Variants in SLAIN1 observed in about 807,000 individuals in gnomAD.
The protein encoded by SLAIN1 is SLAIN family member 1.
Under a neutral mutation model 55.4 loss-of-function variants are expected in SLAIN1, and 17 were observed. The ratio of observed to expected loss-of-function variants is 0.31; its 90% CI spans 0.21 to 0.46. The LOEUF is 0.46. Ranked by LOEUF, SLAIN1 falls within the 20% of genes least tolerant of loss-of-function variation. The pLI, the probability that SLAIN1 is intolerant of heterozygous loss-of-function variation, is 1.00. For missense variants in SLAIN1, 682 were observed against 785.1 expected, an observed-to-expected ratio of 0.87 and a Z score of 1.57; for synonymous variants, 348 against 337.4, an observed-to-expected ratio of 1.03 and a Z score of -0.35.
intron 1 of SLAIN1, among the ~76,000 whole-genome samples, chr13:77,718,510 A>G (rs1242693480): frequency 6.6e-6 from 1 of 152,194 alleles, no homozygotes; most frequent in African/African-American, 2.4e-5. Flanking sequence ...AGAATAGTAC[A>G]TTCCCCAACC....
At chr13:77,760,123 A>G (rs542231910) in intron 5 of SLAIN1, among the ~76,000 whole-genome samples, 19 of 152,224 alleles carry the variant, frequency 1.2e-4, no homozygotes, top group Non-Finnish European at 2.1e-4. Flanking sequence ...AATTCTGTGC[A>G]TAAGTTTCTA....
In SLAIN1 at chr13:77,698,608, C is replaced by G. The variant is rs2090998310; in HGVS notation, c.626+69C>G. On this transcript the variant is annotated intron_variant, in intron 1 of 6. Transcript: ENST00000418532. This position sits in a 1 kb window ranked among gnomAD's most constrained non-coding sequence, Gnocchi z 4.1. ...GGCTTCGGGCACCGGGGAGCGGGGG[C>G]GGGGGGCGGACGGGGGTCCCCTCGC... 1 of 1,332,804 alleles carries G rather than the reference C, an allele frequency of 7.5e-7. No homozygotes were observed. Among genetic ancestry groups the G allele is most frequent in the Non-Finnish European group, 9.6e-7 (1 of 1,046,078 alleles). The allele number at this position is 1,332,804 out of a possible 1,614,324, so 82.6% of individuals were successfully genotyped here.
chr13:77,714,580 T>G (rs2091187447), intron 1 of SLAIN1, among the ~76,000 whole-genome samples: 1 of 152,138 alleles, frequency 6.6e-6, no homozygotes, highest in African/African-American at 2.4e-5. Context: ...CCCACTGCAC[T>G]CCAGCCTGGG....
intron 1 of SLAIN1, among the ~76,000 whole-genome samples, chr13:77,703,801 A>G (rs2154409228): frequency 6.6e-6 from 1 of 151,544 alleles, no homozygotes; most frequent in South Asian, 2.1e-4. Flanking sequence ...TCCTTAAAAT[A>G]AAACTTGCAG....
At chr13:77,711,593 A>C (rs2091151420) in intron 1 of SLAIN1, among the ~76,000 whole-genome samples, 1 of 152,204 alleles carries the variant, frequency 6.6e-6, no homozygotes, top group Non-Finnish European at 1.5e-5. Context: ...ATAACCTATC[A>C]ACCAAAAAAA....
At chr13:77,701,365 C>T in intron 1 of SLAIN1, among the ~76,000 whole-genome samples, 1 of 152,140 alleles carries the variant, frequency 6.6e-6, no homozygotes, top group South Asian at 2.1e-4. Flanking sequence ...CTTTTATTAA[C>T]AACTTGGACA....
intron 2 of SLAIN1, chr13:77,741,627 T>G (rs568277886): frequency 5.9e-6 from 1 of 168,818 alleles, no homozygotes; most frequent in African/African-American, 2.4e-5. Context: ...TGGTACGTAA[T>G]GATTCTGAAG....
At chr13:77,730,478 A>G (rs1872800118) in intron 2 of SLAIN1, among the ~76,000 whole-genome samples, 1 of 152,188 alleles carries the variant, frequency 6.6e-6, no homozygotes, top group Admixed American at 6.5e-5. Flanking sequence ...TTATGTGACT[A>G]ATGTGAGAAA....
At chr13:77,748,100 A>G (rs1039990411) in intron 4 of SLAIN1, among the ~76,000 whole-genome samples, 1 of 152,140 alleles carries the variant, frequency 6.6e-6, no homozygotes. Context: ...CCAAATATAA[A>G]TTTTGTATTA....
chr13:77,710,781 A>G (rs927471773), intron 1 of SLAIN1, among the ~76,000 whole-genome samples: 9 of 152,230 alleles, frequency 5.9e-5, no homozygotes, highest in South Asian at 2.1e-4. Context: ...TCAACAGAAT[A>G]TACATTCTTT....
In SLAIN1 at chr13:77,744,544, T is replaced by TC. The variant is rs750610437; in HGVS notation, c.916+113dup. On this transcript the variant is annotated intron_variant, in intron 3 of 6. Transcript: ENST00000418532. ...AATGGGCAAATAATTAGATTCTTTCTCTCATACTGTCCTACTTTTTAGGTG... is the reference window on the plus strand; with the variant it reads ...AATGGGCAAATAATTAGATTCTTTCTCCTCATACTGTCCTACTTTTTAGGTG... The TC allele has an allele frequency of 2.0e-5, 31 of 1,535,394 alleles. No individual in the cohort carries two copies. The South Asian group carries it at 3.4e-4, about 17-fold the overall frequency.
intron 4 of SLAIN1, among the ~76,000 whole-genome samples, chr13:77,749,693 C>T (rs190508686): frequency 6.6e-6 from 1 of 152,104 alleles, no homozygotes; most frequent in African/African-American, 2.4e-5. Flanking sequence ...ACTTTTGGTT[C>T]CCTGAACTTT....
At position 77,697,907 on chromosome 13, in the gene SLAIN1, G is replaced by A; in HGVS notation, c.-7G>A. 1 of 1,389,646 alleles carries A rather than the reference G, an allele frequency of 7.2e-7. No homozygotes were observed. Among genetic ancestry groups the A allele is most frequent in the Admixed American group, 2.7e-5 (1 of 37,338 alleles). The allele number at this position is 1,389,646 out of a possible 1,614,324, so 86.1% of individuals were successfully genotyped here. Reference sequence around the variant, plus strand: ...CCCCGGCGGCCGCGGCGCCCTCGGGGCCCACGATGATGGCGGAGCAGGTGA... The same window carrying A: ...CCCCGGCGGCCGCGGCGCCCTCGGGACCCACGATGATGGCGGAGCAGGTGA... On this transcript the variant is annotated 5_prime_UTR_variant, in exon 1 of 7. Coordinates refer to ENST00000418532, the MANE Select transcript of SLAIN1 (RefSeq NM_001242868.2).
intron 1 of SLAIN1, among the ~76,000 whole-genome samples, chr13:77,710,592 C>T (rs1441006169): frequency 6.6e-6 from 1 of 152,150 alleles, no homozygotes; most frequent in African/African-American, 2.4e-5. Flanking sequence ...ATTCATAAAA[C>T]AAGTTCTTAG....
chr13:77,746,745 G>A lies in SLAIN1; in HGVS notation c.1148G>A (p.Cys383Tyr). The A allele has an allele frequency of 6.2e-7, 1 of 1,613,886 alleles. No homozygotes were observed. Among genetic ancestry groups the A allele is most frequent in the Non-Finnish European group, 8.5e-7 (1 of 1,179,856 alleles). Residue 383 changes from cysteine (C) to tyrosine (Y), a missense_variant, in exon 4 of 7, where the codon TGT (cysteine) becomes TAT (tyrosine). Coordinates refer to ENST00000418532, the MANE Select transcript of SLAIN1 (RefSeq NM_001242868.2). ...CAGACTTTCTCCAGCATTCGGGAGT[G>A]TAGGAGGAGCCCCAGTTCCCAGTAT... ...HSQTFSSIRE[C>Y]RRSPSSQYFP...
At chr13:77,706,332 T>C (rs1005963338) in intron 1 of SLAIN1, among the ~76,000 whole-genome samples, 1 of 152,176 alleles carries the variant, frequency 6.6e-6, no homozygotes, top group African/African-American at 2.4e-5. Flanking sequence ...AATTGCATGT[T>C]AAACATGTAT....
chr13:77,735,340 A>G (rs1196432949), intron 2 of SLAIN1, among the ~76,000 whole-genome samples: 2 of 152,114 alleles, frequency 1.3e-5, no homozygotes, highest in African/African-American at 4.8e-5. Context: ...TTATTACAAT[A>G]TGTTATGGAA....
intron 4 of SLAIN1, among the ~76,000 whole-genome samples, chr13:77,750,506 G>A (rs1365604160): frequency 6.6e-6 from 1 of 152,104 alleles, no homozygotes; most frequent in African/African-American, 2.4e-5. Context: ...CTAAGATTAT[G>A]TAGAGATGAA....
intron 2 of SLAIN1, among the ~76,000 whole-genome samples, chr13:77,738,417 C>T (rs954675902): frequency 6.6e-6 from 1 of 151,908 alleles, no homozygotes; most frequent in African/African-American, 2.4e-5. Context: ...GGATACAAAA[C>T]CATGACTTAT....
Sources: gnomAD v4.1 joint callset for allele counts (sites outside exome capture counted in the v4.1 genomes callset) on GRCh38, gnomAD v4.1.1 for gene constraint, Gnocchi (gnomAD v3.1) non-coding constraint, MANE v1.5 for transcripts, NCBI Gene and HGNC (gene_info 2026-07-23, HGNC 2026-07-21) for gene names.